RGS10: variants seen among roughly 807,000 people sequenced by gnomAD.
The protein encoded by RGS10 is regulator of G protein signaling 10.
In RGS10, 11 loss-of-function variants were observed where a neutral mutation model predicts 23.5. That is an observed-to-expected ratio of 0.47 (90% CI 0.29 to 0.77). The LOEUF (loss-of-function observed/expected upper bound fraction) is 0.77. Ranked by LOEUF, RGS10 falls within the 30% of genes least tolerant of loss-of-function variation. The pLI is 0.08. For synonymous variants in RGS10, 77 were observed against 83.2 expected (o/e 0.92, Z 0.41); for missense variants, 180 against 226.3 (o/e 0.80, Z 1.31).
chr10:119,535,141 T>C (rs1844374181), intron 1 of RGS10, among the ~76,000 whole-genome samples: 1 of 152,106 alleles, frequency 6.6e-6, no homozygotes. Context: ...AGGGCTCTAC[T>C]GCCATTTTTA....
In RGS10 at chr10:119,515,613, A is replaced by G; in HGVS notation, c.295T>C (p.Ser99Pro). The part of the protein sequence containing the change: ...KAKEIYMTFL[S>P]SKASSQVNVE... ...TTGACCTGTGATGAGGCCTTGCTGG[A>G]CAGAAAGGTCATGTAGATCTCCTTT... is the stretch of plus-strand genomic sequence containing the variant. Residue 99 changes from serine (S) to proline (P), a missense_variant, in exon 4 of 5, where the codon TCC becomes CCC. By Grantham distance (74) the Ser-to-Pro change is moderately conservative (BLOSUM62 -1). Transcript: ENST00000369103. 6.2e-7 allele frequency: 1 copy of G among 1,614,090 alleles called. No homozygotes were observed. The highest frequency in any genetic ancestry group is 8.5e-7 in the Non-Finnish European group (1 of 1,180,002).
chr10:119,523,008 T>C (rs78048735), intron 3 of RGS10, among the ~76,000 whole-genome samples: 2 of 32,464 alleles, frequency 6.2e-5, no homozygotes, highest in African/African-American at 9.7e-4. Flanking sequence ...GTCTAGCTAA[T>C]TTTTTTTTTT....
At chr10:119,540,881 T>C (rs1844429285) in intron 1 of RGS10, among the ~76,000 whole-genome samples, 1 of 152,206 alleles carries the variant, frequency 6.6e-6, no homozygotes, top group Non-Finnish European at 1.5e-5. Context: ...TGGTTTTGAG[T>C]ATTTAATCCC....
chr10:119,502,576 T>A (rs1843964566), intron 4 of RGS10, among the ~76,000 whole-genome samples: 1 of 151,896 alleles, frequency 6.6e-6, no homozygotes, highest in Non-Finnish European at 1.5e-5. Flanking sequence ...AGGCCGGTGC[T>A]GGGGGCACCC....
chr10:119,516,686 C>T (rs1479983568), intron 3 of RGS10, among the ~76,000 whole-genome samples: 1 of 152,164 alleles, frequency 6.6e-6, no homozygotes, highest in Non-Finnish European at 1.5e-5. Context: ...GAGTAGGTAC[C>T]GGCTTCCTGT....
chr10:119,518,590 G>A (rs1844172469), intron 3 of RGS10, among the ~76,000 whole-genome samples: 1 of 152,146 alleles, frequency 6.6e-6, no homozygotes, highest in Non-Finnish European at 1.5e-5. Flanking sequence ...GCTCAGAAGA[G>A]CGCTGCTTCC....
chr10:119,509,197 T>C (rs575391554), intron 4 of RGS10, among the ~76,000 whole-genome samples: 2 of 151,932 alleles, frequency 1.3e-5, no homozygotes, highest in South Asian at 2.1e-4. Flanking sequence ...CAGGAGTTCA[T>C]AAATACCTTA....
At chr10:119,522,718 CA>C (rs111696085) in intron 3 of RGS10, among the ~76,000 whole-genome samples, 80 of 114,098 alleles carry the variant, frequency 7.0e-4, no homozygotes, top group South Asian at 8.0e-4. Flanking sequence ...AACTCCGTCT[CA>C]AAAAAAAAAA....
At chr10:119,528,306 C>T (rs902073041) in intron 1 of RGS10, among the ~76,000 whole-genome samples, 2 of 152,028 alleles carry the variant, frequency 1.3e-5, no homozygotes, top group Admixed American at 1.3e-4. Flanking sequence ...GCTGGGATTA[C>T]ATGCATGAGC....
At chr10:119,534,952 A>G (rs113527637) in intron 1 of RGS10, among the ~76,000 whole-genome samples, 127 of 152,298 alleles carry the variant, frequency 8.3e-4, no homozygotes, top group African/African-American at 2.8e-3. Context: ...TACCGTTCCA[A>G]GCTTTTACCT....
intron 1 of RGS10, among the ~76,000 whole-genome samples, chr10:119,533,758 G>T (rs991225642): frequency 7.9e-5 from 12 of 152,188 alleles, no homozygotes; most frequent in African/African-American, 2.9e-4. Flanking sequence ...ATTTTATCAT[G>T]CTGTTTTATT....
chr10:119,500,248 G>A lies in RGS10; in HGVS notation c.411C>T (p.Leu137=), dbSNP rs953756058. 2.0e-5 allele frequency: 32 copies of A among 1,610,118 alleles called. No homozygotes were observed. Among genetic ancestry groups the A allele is most frequent in the Non-Finnish European group, 2.4e-5 (28 of 1,179,146 alleles). ...FQKLQDQIFN[L]MKYDSYSRFL... is the part of the protein sequence containing the mutation. ...AGCGGCTGTAGCTGTCGTACTTCATGAGATTAAAGATCTAAGGAGGAAAAG... is the reference window on the plus strand; with the variant it reads ...AGCGGCTGTAGCTGTCGTACTTCATAAGATTAAAGATCTAAGGAGGAAAAG... Residue 137 remains leucine (L), a synonymous_variant, in exon 5 of 5, where the codon CTC becomes CTT. Transcript: ENST00000369103.
chr10:119,515,989 T>C (rs1844138494), intron 3 of RGS10, among the ~76,000 whole-genome samples: 1 of 152,204 alleles, frequency 6.6e-6, no homozygotes. Context: ...CAGTGGCTCA[T>C]GCCTGTAATC....
intron 1 of RGS10, among the ~76,000 whole-genome samples, chr10:119,532,435 G>A (rs949498087): frequency 5.3e-5 from 8 of 152,112 alleles, no homozygotes; most frequent in South Asian, 2.1e-4. Context: ...GTTACGACCC[G>A]TGGGCGCGGT....
At chr10:119,521,989 G>T (rs544205615) in intron 3 of RGS10, among the ~76,000 whole-genome samples, 1 of 152,192 alleles carries the variant, frequency 6.6e-6, no homozygotes, top group Non-Finnish European at 1.5e-5. Flanking sequence ...ATTCTGGAGG[G>T]AAGAAGTCAT....
At chr10:119,522,063 A>G (rs1319428346) in intron 3 of RGS10, among the ~76,000 whole-genome samples, 1 of 152,198 alleles carries the variant, frequency 6.6e-6, no homozygotes, top group Non-Finnish European at 1.5e-5. Context: ...GATCCAGGAA[A>G]TGGAATGCCT....
chr10:119,542,642 C>G lies in RGS10; in HGVS notation c.-4G>C. Reference sequence around the variant, plus strand: ...GGCTCACGGCGCGGTTGAACATCGCCGCGGGCGCCCGAGGAGGAAGAAGGA... The same window carrying G: ...GGCTCACGGCGCGGTTGAACATCGCGGCGGGCGCCCGAGGAGGAAGAAGGA... On this transcript the variant is annotated 5_prime_UTR_variant, in exon 1 of 5. Transcript: ENST00000369103. 7.1e-7 allele frequency: 1 copy of G among 1,401,314 alleles called. No homozygotes were observed. Among genetic ancestry groups the G allele is most frequent in the Non-Finnish European group, 9.3e-7 (1 of 1,074,022 alleles). 86.8% of individuals were successfully genotyped at this position (1,401,314 alleles called of 1,614,324 possible).
At chr10:119,509,504 T>C (rs1226334144) in intron 4 of RGS10, among the ~76,000 whole-genome samples, 1 of 152,142 alleles carries the variant, frequency 6.6e-6, no homozygotes, top group Non-Finnish European at 1.5e-5. Context: ...GGTGGGAGGA[T>C]TGCTTGAGCC....
At chr10:119,512,805 C>T (rs192766094) in intron 4 of RGS10, among the ~76,000 whole-genome samples, 10 of 152,352 alleles carry the variant, frequency 6.6e-5, no homozygotes, top group African/African-American at 1.7e-4. Flanking sequence ...GCCTTGGCCT[C>T]CCAAAGTGCT....
Sources: gnomAD v4.1 joint callset for allele counts (sites outside exome capture counted in the v4.1 genomes callset) on GRCh38, gnomAD v4.1.1 for gene constraint, MANE v1.5 for transcripts, NCBI Gene and HGNC (gene_info 2026-07-23, HGNC 2026-07-21) for gene names.